The following SAAL1 variants were observed in gnomAD, a reference collection of about 807,000 sequenced individuals.
SAAL1 encodes serum amyloid A like 1.
Under a neutral mutation model 59.8 loss-of-function variants are expected in SAAL1, and 42 were observed. The observed-to-expected ratio is 0.70, with a 90% CI of 0.55 to 0.91. The LOEUF (loss-of-function observed/expected upper bound fraction) is 0.91. Ranked by LOEUF, SAAL1 falls within the 40% of genes least tolerant of loss-of-function variation. SAAL1 has a pLI of 0.00. For missense variants in SAAL1, 542 were observed against 561.1 expected, an observed-to-expected ratio of 0.97 and a Z score of 0.34; for synonymous variants, 191 against 194.3, an observed-to-expected ratio of 0.98 and a Z score of 0.14.
chr11:18,082,026 T>C (rs1454594269), intron 10 of SAAL1, among the ~76,000 whole-genome samples: 1 of 152,212 alleles, frequency 6.6e-6, no homozygotes, highest in Non-Finnish European at 1.5e-5. Context: ...AAAAAATCTT[T>C]AGTAGTTCCT....
Position 18,092,225 on chromosome 11 carries a change from A to G in SAAL1, c.413+20T>C. Reference sequence around the variant, plus strand: ...TATAAATGAATATATTAAAAAACATAATTATATAGTAAGACTTACCCAAGA... The same window carrying G: ...TATAAATGAATATATTAAAAAACATGATTATATAGTAAGACTTACCCAAGA... On this transcript the variant is annotated intron_variant, in intron 4 of 11. Transcript: ENST00000524803. The G allele has an allele frequency of 7.7e-7, 1 of 1,291,282 alleles. No individual in the cohort carries two copies. The highest frequency in any genetic ancestry group is 1.1e-6 in the Non-Finnish European group (1 of 906,096). 80.0% of individuals were successfully genotyped at this position (1,291,282 alleles called of 1,614,324 possible).
intron 1 of SAAL1, among the ~76,000 whole-genome samples, chr11:18,104,276 C>T (rs1848665572): frequency 6.6e-6 from 1 of 152,134 alleles, no homozygotes; most frequent in Non-Finnish European, 1.5e-5. Context: ...GTTTAGAAGT[C>T]ACAAAGAGGC....
chr11:18,090,181 T>C lies in SAAL1; in HGVS notation c.583A>G (p.Thr195Ala), dbSNP rs572996639. Residue 195 changes from threonine (T) to alanine (A), a missense_variant, in exon 6 of 12, where the codon ACA becomes GCA. Coordinates refer to ENST00000524803, the MANE Select transcript of SAAL1 (RefSeq NM_138421.3). ...DSICFIMSSS[T>A]NVDLLVKVGE... is the part of the protein sequence containing the mutation. ...AGAGTACATGATGACTTACCATTTGTTGAACTTGACATAATGAAGCAAATG... is the reference window on the plus strand; with the variant it reads ...AGAGTACATGATGACTTACCATTTGCTGAACTTGACATAATGAAGCAAATG... The C allele has an allele frequency of 6.3e-6, 10 of 1,590,812 alleles. No homozygotes were observed. The highest frequency in any genetic ancestry group is 1.9e-5 in the Admixed American group (1 of 52,576).
chr11:18,087,380 G>C (rs1305265458), intron 7 of SAAL1, among the ~76,000 whole-genome samples, 155 bp from the exon 8 acceptor site: 1 of 152,166 alleles, frequency 6.6e-6, no homozygotes, highest in Non-Finnish European at 1.5e-5. Flanking sequence ...GTGTTCGTTA[G>C]AGCTTTTATA....
intron 3 of SAAL1, among the ~76,000 whole-genome samples, chr11:18,095,100 T>C (rs1389268120): frequency 1.3e-5 from 2 of 152,186 alleles, no homozygotes; most frequent in African/African-American, 4.8e-5. Flanking sequence ...CTAGAAACTC[T>C]GGAGGGAGGC....
At chr11:18,099,731 C>G (rs1848614811) in intron 2 of SAAL1, among the ~76,000 whole-genome samples, 1 of 149,964 alleles carries the variant, frequency 6.7e-6, no homozygotes, top group Admixed American at 6.6e-5. Flanking sequence ...GACATTGAAG[C>G]CGGGCCATAA....
Position 18,103,281 on chromosome 11 carries a change from T to C in SAAL1, c.201A>G (p.Glu67=). The part of the protein sequence containing the change: ...DDEEQLTELD[E]EMENEICRVW... Reference sequence around the variant, plus strand: ...CTCTGCAAATTTCATTCTCCATTTCTTCATCAAGCTCCGTCAGCTGCTCCT... The same window carrying C: ...CTCTGCAAATTTCATTCTCCATTTCCTCATCAAGCTCCGTCAGCTGCTCCT... The change falls in exon 2 of 12, where the codon GAA becomes GAG. Residue 67 remains glutamate, a synonymous_variant. Transcript: ENST00000524803. The C allele has an allele frequency of 6.2e-7, 1 of 1,614,102 alleles. No homozygotes were observed. Among genetic ancestry groups the C allele is most frequent in the Non-Finnish European group, 8.5e-7 (1 of 1,180,006 alleles).
chr11:18,096,910 A>T, intron 2 of SAAL1, 56 bp from the exon 3 acceptor site: 2 of 892,136 alleles, frequency 2.2e-6, no homozygotes, highest in Non-Finnish European at 3.6e-6. Context: ...CTAAACCCTA[A>T]AGCTCAGGCA....
Position 18,097,291 on chromosome 11 carries a change from AAC to A in SAAL1, c.250-439_250-438del, listed in dbSNP as rs1848588191. ...AGAATTTTAGACACAAGAAAAAAAA[AAC>A]ACAGGCTTAGGAACTGTGTCAACAG... On this transcript the variant is annotated intron_variant, in intron 2 of 11. Transcript: ENST00000524803. Among the ~76,000 whole-genome samples, 4 of 152,242 alleles carry A rather than the reference AAC, an allele frequency of 2.6e-5. No individual in the cohort carries two copies. In the South Asian group the frequency reaches 8.3e-4, roughly 32 times the overall value.
At chr11:18,097,924 C>G (rs928483695) in intron 2 of SAAL1, among the ~76,000 whole-genome samples, 1 of 151,788 alleles carries the variant, frequency 6.6e-6, no homozygotes, top group Non-Finnish European at 1.5e-5. Flanking sequence ...ACAGGCGGAT[C>G]ACTTGAGCCC....
At chr11:18,086,510 C>G (rs917972357) in intron 9 of SAAL1, among the ~76,000 whole-genome samples, 4 of 152,016 alleles carry the variant, frequency 2.6e-5, no homozygotes, top group African/African-American at 9.7e-5. Context: ...CCCAGCCTGG[C>G]CAACACGGTA....
intron 1 of SAAL1, among the ~76,000 whole-genome samples, chr11:18,104,385 T>C (rs1458108011): frequency 6.6e-6 from 1 of 152,076 alleles, no homozygotes; most frequent in Non-Finnish European, 1.5e-5. Flanking sequence ...ATACTGTTGC[T>C]AGGCACTGGG....
rs756749438 is a variant in SAAL1 at position 18,092,276 on chromosome 11, A to G, written c.382T>C (p.Cys128Arg). The G allele has an allele frequency of 3.0e-5, 48 of 1,605,920 alleles. No homozygotes were observed. The highest frequency in any genetic ancestry group is 3.8e-5 in the Non-Finnish European group (44 of 1,172,698). The change falls in exon 4 of 12, where the codon TGT becomes CGT. Residue 128 changes from cysteine (C) to arginine (R), a missense_variant. Coordinates refer to ENST00000524803, the MANE Select transcript of SAAL1 (RefSeq NM_138421.3). Reference sequence around the variant, plus strand: ...TTTTTATCACTGCTGATGGACACACATATCTCCTGGAAACAGGCCATATTA... The same window carrying G: ...TTTTTATCACTGCTGATGGACACACGTATCTCCTGGAAACAGGCCATATTA... The part of the protein sequence containing the change: ...LGNMACFQEI[C>R]VSISSDKNLG...
chr11:18,090,283 G>C lies in SAAL1; in HGVS notation c.481C>G (p.Leu161Val), dbSNP rs1848508704. The C allele has an allele frequency of 4.4e-6, 7 of 1,586,496 alleles. No homozygotes were observed. The South Asian group carries it at 8.1e-5, about 18-fold the overall frequency. Residue 161 changes from leucine to valine, a missense_variant, in exon 6 of 12, where the codon CTT becomes GTT. Transcript: ENST00000524803. ...ACTTCTGCCTGGGAAAGGCAAGTAA[G>C]CAACAACCTACATGGTAAACGTGGG... ...PTLLETSRLL[L>V]TCLSQAEVAS...
intron 5 of SAAL1, 70 bp from the exon 6 acceptor site, chr11:18,090,360 A>T (rs1848510701): frequency 6.4e-7 from 1 of 1,566,844 alleles, no homozygotes; most frequent in African/African-American, 1.4e-5. Context: ...GAAATTCGAA[A>T]ATAAAAAATT....
intron 4 of SAAL1, 139 bp from the exon 5 acceptor site, chr11:18,090,632 TAATA>T (rs1235301528): frequency 8.7e-6 from 8 of 916,030 alleles, no homozygotes; most frequent in Non-Finnish European, 1.3e-5. Context: ...AATCTATAGT[TAATA>T]AATAATTATA....
intron 7 of SAAL1, among the ~76,000 whole-genome samples, chr11:18,088,162 G>C (rs1485048572): frequency 6.6e-6 from 1 of 152,224 alleles, no homozygotes; most frequent in Non-Finnish European, 1.5e-5. Flanking sequence ...CTGAAACGCA[G>C]AGTACAAGGA....
At chr11:18,090,339 A>C in intron 5 of SAAL1, 49 bp from the exon 6 acceptor site, 1 of 1,571,246 alleles carries the variant, frequency 6.4e-7, no homozygotes, top group Non-Finnish European at 8.6e-7. Context: ...AAAAAAAAAA[A>C]AACAGTAAAG....
At chr11:18,088,055 G>A (rs557981912) in intron 7 of SAAL1, among the ~76,000 whole-genome samples, 1 of 152,254 alleles carries the variant, frequency 6.6e-6, no homozygotes, top group South Asian at 2.1e-4. Flanking sequence ...AACATGAAGG[G>A]GCAAAGAAGT....
Sources: allele counts gnomAD v4.1 joint callset (sites outside exome capture counted in the v4.1 genomes callset), GRCh38; gene constraint gnomAD v4.1.1; transcripts MANE v1.5; gene names NCBI Gene and HGNC (gene_info 2026-07-23, HGNC 2026-07-21).